The following TAFA2 variants were observed in gnomAD, a reference collection of about 807,000 sequenced individuals.
TAFA2 encodes the protein chemokine-like protein TAFA-2.
TAFA2 carries 7 observed loss-of-function variants against 18.8 expected under a neutral mutation model. The observed-to-expected ratio is 0.37, with a 90% CI of 0.21 to 0.70. The LOEUF is 0.70. TAFA2 is among the 30% of genes least tolerant of loss of function. The pLI is 0.53. For missense variants in TAFA2, 122 were observed against 158.1 expected (o/e 0.77, Z 1.23); for synonymous variants, 60 against 54.2 (o/e 1.11, Z -0.47).
intron 1 of TAFA2, among the ~76,000 whole-genome samples, chr12:62,168,864 G>T (rs1411639725): frequency 6.6e-6 from 1 of 150,468 alleles, no homozygotes; most frequent in Non-Finnish European, 1.5e-5. Flanking sequence ...AACAAAACAG[G>T]CATATCAACA....
intron 1 of TAFA2, among the ~76,000 whole-genome samples, chr12:62,112,741 A>G (rs1869788727): frequency 6.6e-6 from 1 of 151,246 alleles, no homozygotes; most frequent in Non-Finnish European, 1.5e-5. Context: ...TTGATCTTCA[A>G]TCTCGTATCT....
intron 2 of TAFA2, among the ~76,000 whole-genome samples, chr12:61,760,871 C>CAAAA (rs375369002): frequency 4.1e-5 from 5 of 120,996 alleles, no homozygotes; most frequent in African/African-American, 1.2e-4. Context: ...CCCAAGTCAC[C>CAAAA]AAAAAAAAAA....
intron 1 of TAFA2, among the ~76,000 whole-genome samples, chr12:62,074,243 G>A (rs765045657): frequency 5.4e-4 from 82 of 152,218 alleles, no homozygotes; most frequent in Non-Finnish European, 9.4e-4. Flanking sequence ...TGGCATTCCA[G>A]CCAGCATGAC....
Position 61,782,004 on chromosome 12 carries a change from G to A in TAFA2, c.107-26980C>T, listed in dbSNP as rs575781610. Among the ~76,000 whole-genome samples, 4 of 151,680 alleles carry A rather than the reference G, an allele frequency of 2.6e-5. No homozygotes were observed. In the South Asian group the frequency reaches 8.3e-4, roughly 32 times the overall value. On this transcript the variant is annotated intron_variant, in intron 2 of 4. Transcript: ENST00000416284. ...TTTTCCTGTGACTTCTGATCTCAGAGTCTCCCTTAGAAAACAGTGGGATTT... is the reference window on the plus strand; with the variant it reads ...TTTTCCTGTGACTTCTGATCTCAGAATCTCCCTTAGAAAACAGTGGGATTT...
intron 4 of TAFA2, among the ~76,000 whole-genome samples, chr12:61,730,211 C>T (rs114482536): frequency 0.013 from 2,020 of 152,214 alleles, 44 homozygotes; most frequent in African/African-American, 0.045. Flanking sequence ...ATTATGCTAG[C>T]AGTGAAGCTG....
At chr12:62,085,041 T>C (rs927683454) in intron 1 of TAFA2, among the ~76,000 whole-genome samples, 8 of 152,194 alleles carry the variant, frequency 5.3e-5, no homozygotes, top group Non-Finnish European at 1.0e-4. Context: ...CAGTGTTTTC[T>C]ATCATCTGTT....
chr12:61,927,553 G>A (rs1877356971), intron 1 of TAFA2, among the ~76,000 whole-genome samples: 1 of 152,190 alleles, frequency 6.6e-6, no homozygotes, highest in African/African-American at 2.4e-5. Flanking sequence ...TCATGGATAG[G>A]AAGAATCAAT....
chr12:61,867,489 G>C (rs902870818), intron 1 of TAFA2, 63 bp from the exon 2 acceptor site: 1 of 986,596 alleles, frequency 1.0e-6, no homozygotes, highest in Non-Finnish European at 1.6e-6. Flanking sequence ...CCTTATGATT[G>C]TGCTACATGT....
At chr12:61,981,672 AG>A (rs1304220379) in intron 1 of TAFA2, among the ~76,000 whole-genome samples, 7 of 152,380 alleles carry the variant, frequency 4.6e-5, no homozygotes, top group Non-Finnish European at 1.0e-4. Context: ...ACTTCTCAAA[AG>A]AAGACAATTA....
At chr12:62,202,821 CT>C (rs71083986) in intron 1 of TAFA2, among the ~76,000 whole-genome samples, 2,674 of 61,642 alleles carry the variant, frequency 0.043, 268 homozygotes, top group African/African-American at 0.14. Flanking sequence ...CTGTGTGGTT[CT>C]TTTTTTTTTT....
intron 1 of TAFA2, among the ~76,000 whole-genome samples, chr12:61,926,323 A>T (rs960300147): frequency 6.6e-6 from 1 of 152,104 alleles, no homozygotes; most frequent in African/African-American, 2.4e-5. Context: ...AAAAAGAGGG[A>T]CTCCTCCGTA....
At chr12:62,042,060 T>G (rs1238376645) in intron 1 of TAFA2, among the ~76,000 whole-genome samples, 1 of 152,060 alleles carries the variant, frequency 6.6e-6, no homozygotes, top group African/African-American at 2.4e-5. Flanking sequence ...TATATTAATG[T>G]ATTTCAAATA....
Position 61,720,372 on chromosome 12 carries a change from G to T in TAFA2, c.385-9955C>A, listed in dbSNP as rs181995338. On this transcript the variant is annotated intron_variant, in intron 4 of 4. Coordinates refer to ENST00000416284, the MANE Select transcript of TAFA2 (RefSeq NM_178539.5). ...CCAAGAATACACCCAGATTTTTGTAGTATCCATTTCCTATTTTGGGGAAAA... is the reference window on the plus strand; with the variant it reads ...CCAAGAATACACCCAGATTTTTGTATTATCCATTTCCTATTTTGGGGAAAA... Among the ~76,000 whole-genome samples, 13 of 152,206 alleles carry T rather than the reference G, an allele frequency of 8.5e-5. No homozygotes were observed. The East Asian group carries it at 2.5e-3, about 29-fold the overall frequency.
chr12:62,154,497 C>T (rs2062354720), intron 1 of TAFA2, among the ~76,000 whole-genome samples: 1 of 151,982 alleles, frequency 6.6e-6, no homozygotes, highest in African/African-American at 2.4e-5. Context: ...TATGTTAGTA[C>T]AGAAAAGAAG....
chr12:61,735,252 T>C (rs534626998), intron 4 of TAFA2, among the ~76,000 whole-genome samples: 1 of 152,170 alleles, frequency 6.6e-6, no homozygotes, highest in East Asian at 1.9e-4. Context: ...AGTGTATATC[T>C]TTCCCATTAT....
chr12:61,744,153 G>C (rs888967575), intron 4 of TAFA2, among the ~76,000 whole-genome samples: 1 of 152,010 alleles, frequency 6.6e-6, no homozygotes, highest in Admixed American at 6.6e-5. Flanking sequence ...TATTGCTCTC[G>C]CCACTTAGTT....
chr12:62,104,945 C>G (rs1335155688), intron 1 of TAFA2: 1 of 210,542 alleles, frequency 4.7e-6, no homozygotes, highest in East Asian at 1.6e-4. Context: ...GGTAAACTGA[C>G]AAAAAGTCTA....
At chr12:61,961,484 C>T (rs1878883729) in intron 1 of TAFA2, among the ~76,000 whole-genome samples, 1 of 151,918 alleles carries the variant, frequency 6.6e-6, no homozygotes, top group Non-Finnish European at 1.5e-5. Context: ...TTTTTGTTAA[C>T]TGGGAGTTTC....
intron 2 of TAFA2, among the ~76,000 whole-genome samples, chr12:61,797,935 T>C (rs547488278): frequency 6.6e-6 from 1 of 152,192 alleles, no homozygotes; most frequent in East Asian, 1.9e-4. Flanking sequence ...TTATATCATA[T>C]ACAGTGTCTA....
Sources: gnomAD v4.1 joint callset for allele counts (sites outside exome capture counted in the v4.1 genomes callset) on GRCh38, gnomAD v4.1.1 for gene constraint, MANE v1.5 for transcripts, NCBI Gene and HGNC (gene_info 2026-07-23, HGNC 2026-07-21) for gene names.